TRRAP: variants seen among roughly 807,000 people sequenced by gnomAD.
The protein encoded by TRRAP is transformation/transcription domain-associated protein.
In TRRAP, 41 loss-of-function variants were observed where a neutral mutation model predicts 438.8. The ratio of observed to expected loss-of-function variants is 0.09; its 90% CI spans 0.07 to 0.12. TRRAP has a LOEUF of 0.12. Ranked by LOEUF, TRRAP falls within the 10% of genes least tolerant of loss-of-function variation. The pLI, the probability that TRRAP is intolerant of heterozygous loss-of-function variation, is 1.00. For synonymous variants in TRRAP, 1,994 were observed against 1,962.9 expected (o/e 1.02, Z -0.42); for missense variants, 3,122 against 5,055.1 (o/e 0.62, Z 11.60).
intron 67 of TRRAP, among the ~76,000 whole-genome samples, chr7:98,995,396 G>A (rs1793607051): frequency 6.6e-6 from 1 of 151,996 alleles, no homozygotes; most frequent in Non-Finnish European, 1.5e-5. Flanking sequence ...AGATGGCGCC[G>A]GGTGAGCCAG....
chr7:98,987,572 T>C (rs1793205894), intron 62 of TRRAP, among the ~76,000 whole-genome samples: 1 of 152,250 alleles, frequency 6.6e-6, no homozygotes, highest in Non-Finnish European at 1.5e-5. Context: ...GTGTATTTGC[T>C]CTAATAGCTT....
chr7:98,927,785 G>A (rs1358271311), intron 23 of TRRAP, among the ~76,000 whole-genome samples: 3 of 151,956 alleles, frequency 2.0e-5, no homozygotes, highest in Admixed American at 6.6e-5. Context: ...TCTCCCCTGC[G>A]ATGCCCGTTT....
chr7:99,004,181 A>G lies in TRRAP; in HGVS notation c.10310-9A>G, dbSNP rs1794064425. Reference sequence around the variant, plus strand: ...CTAAAAACGTTTTTAATCATGTTTTATTTTTAAGATTTTGACTTCAGCGTT... The same window carrying G: ...CTAAAAACGTTTTTAATCATGTTTTGTTTTTAAGATTTTGACTTCAGCGTT... On this transcript the variant is annotated splice_polypyrimidine_tract_variant and intron_variant, in intron 67 of 72. Coordinates refer to ENST00000456197, the MANE Select transcript of TRRAP (RefSeq NM_001375524.1). 2 of 1,604,138 alleles carry G rather than the reference A, an allele frequency of 1.2e-6. No homozygotes were observed. Among genetic ancestry groups the G allele is most frequent in the African/African-American group, 1.4e-5 (1 of 73,938 alleles).
At position 98,925,314 on chromosome 7, in the gene TRRAP, T is replaced by C. The variant is rs781956215; in HGVS notation, c.2975+51T>C. ...GGTTGGGTGGATCCTGTTTTAGGAATTGGGGCTGCAGAGGGCCTCCCAGGT... is the reference window on the plus strand; with the variant it reads ...GGTTGGGTGGATCCTGTTTTAGGAACTGGGGCTGCAGAGGGCCTCCCAGGT... On this transcript the variant is annotated intron_variant, in intron 22 of 72. Coordinates refer to ENST00000456197, the MANE Select transcript of TRRAP (RefSeq NM_001375524.1). 8 of 1,593,558 alleles carry C rather than the reference T, an allele frequency of 5.0e-6. No individual in the cohort carries two copies. In the African/African-American group the frequency reaches 6.7e-5, roughly 13 times the overall value.
At chr7:98,959,238 C>T in intron 44 of TRRAP, 106 bp from the exon 45 acceptor site, 17 of 1,469,694 alleles carry the variant, frequency 1.2e-5, no homozygotes, top group Non-Finnish European at 1.5e-5. Flanking sequence ...AGGTGAAGAT[C>T]TGAGACAGGT....
chr7:98,973,023 A>G (rs1484002123), intron 53 of TRRAP, among the ~76,000 whole-genome samples: 1 of 152,144 alleles, frequency 6.6e-6, no homozygotes, highest in African/African-American at 2.4e-5. Context: ...TCTGTTGCTC[A>G]GGCTGGAGTA....
intron 8 of TRRAP, among the ~76,000 whole-genome samples, chr7:98,898,217 G>A (rs1195873963): frequency 6.6e-6 from 1 of 152,218 alleles, no homozygotes; most frequent in African/African-American, 2.4e-5. Flanking sequence ...GTGACTGAGA[G>A]TGTGGGCTCT....
At chr7:98,937,913 G>A (rs1394274683) in intron 30 of TRRAP, 93 bp downstream of exon 30, 11 of 1,359,796 alleles carry the variant, frequency 8.1e-6, no homozygotes, top group South Asian at 6.6e-5. Flanking sequence ...AGTGGTTCAC[G>A]CCTGTAATCC....
intron 24 of TRRAP, among the ~76,000 whole-genome samples, 162 bp from the exon 25 acceptor site, chr7:98,930,471 G>T (rs570429531): frequency 6.6e-6 from 1 of 152,136 alleles, no homozygotes; most frequent in African/African-American, 2.4e-5. Context: ...CCAGCTACTC[G>T]GGAGGCTAAG....
At chr7:98,959,824 AG>A (rs1231772227) in intron 45 of TRRAP, among the ~76,000 whole-genome samples, 1 of 151,980 alleles carries the variant, frequency 6.6e-6, no homozygotes, top group African/African-American at 2.4e-5. Context: ...GCTACTTAGA[AG>A]AGCCTAAAGC....
At chr7:98,917,754 A>C in intron 20 of TRRAP, 75 bp downstream of exon 20, 1 of 1,547,860 alleles carries the variant, frequency 6.5e-7, no homozygotes, top group Non-Finnish European at 8.7e-7. Context: ...TCTGTACTCA[A>C]GAGTGGGCTC....
At chr7:98,992,354 C>T (rs1310130539) in intron 65 of TRRAP, 127 bp downstream of exon 65, 41 of 939,592 alleles carry the variant, frequency 4.4e-5, no homozygotes, top group Non-Finnish European at 6.7e-5. Flanking sequence ...CCAATCTCTC[C>T]TCAGTGGGCA....
At position 98,881,192 on chromosome 7, in the gene TRRAP, G is replaced by C; in HGVS notation, c.42G>C (p.Gln14His). ...CACAGGGGGCCACGGTGGTTGACCA[G>C]ACCACTTTGATGAAAAAGTACCTTC... ...VATQGATVVD[Q>H]TTLMKKYLQF... The change falls in exon 2 of 73, where the codon CAG (glutamine) becomes CAC (histidine). Residue 14 changes from glutamine to histidine, a missense_variant. Around this residue, in one of 24 missense-constraint regions of TRRAP, gnomAD observed 343 missense variants for 564.0 expected, o/e 0.61. Transcript: ENST00000456197. 3 of 1,610,990 alleles carry C rather than the reference G, an allele frequency of 1.9e-6. No homozygotes were observed. Among genetic ancestry groups the C allele is most frequent in the Non-Finnish European group, 2.5e-6 (3 of 1,178,410 alleles).
At chr7:98,918,526 C>T (rs1232573158) in intron 20 of TRRAP, among the ~76,000 whole-genome samples, 2 of 151,684 alleles carry the variant, frequency 1.3e-5, no homozygotes, top group Non-Finnish European at 1.5e-5. Flanking sequence ...CCGTGCCTGG[C>T]GAGGGTTATA....
chr7:98,885,811 C>T (rs1554403873), intron 3 of TRRAP, among the ~76,000 whole-genome samples: 1 of 152,186 alleles, frequency 6.6e-6, no homozygotes, highest in Non-Finnish European at 1.5e-5. Context: ...TGTGAACCTG[C>T]AGGAACAAGC....
chr7:98,937,557 G>A lies in TRRAP; in HGVS notation c.4234-93G>A, dbSNP rs547735323. The A allele has an allele frequency of 6.7e-3, 8,972 of 1,343,864 alleles. 26 individuals are homozygous for A. The highest frequency in any genetic ancestry group is 8.1e-3 in the Non-Finnish European group (8,096 of 1,003,344). The allele number at this position is 1,343,864 out of a possible 1,614,324, so 83.2% of individuals were successfully genotyped here. ...ATATTCCATCTTCCTAAAGGAGAAC[G>A]GAAACTTGCAGCTAAGGTTGAAGAT... is the stretch of plus-strand genomic sequence containing the variant. On this transcript the variant is annotated intron_variant, in intron 29 of 72. Transcript: ENST00000456197.
chr7:98,905,242 G>T (rs1554407360), intron 12 of TRRAP, among the ~76,000 whole-genome samples: 2 of 152,164 alleles, frequency 1.3e-5, no homozygotes, highest in African/African-American at 4.8e-5. Flanking sequence ...CCTGCTTGTG[G>T]CTGTTTCCAT....
At chr7:98,941,919 G>A (rs1442419257) in intron 30 of TRRAP, among the ~76,000 whole-genome samples, 3 of 152,182 alleles carry the variant, frequency 2.0e-5, no homozygotes. Flanking sequence ...TTTTTAAGGT[G>A]TCCAAACCAT....
In TRRAP at chr7:99,011,260, C is replaced by T; in HGVS notation, c.11142+5C>T. On this transcript the variant is annotated splice_donor_5th_base_variant and intron_variant, in intron 71 of 72. Transcript: ENST00000456197. This position sits in a 1 kb window ranked among gnomAD's most constrained non-coding sequence, Gnocchi z 7.1. ...GAGATGTTACAGATCGCTCAGGTAA[C>T]CTGCTTTGAACAGCCAGATCCTCTC... 6.2e-7 allele frequency: 1 copy of T among 1,614,164 alleles called. No homozygotes were observed. The highest frequency in any genetic ancestry group is 8.5e-7 in the Non-Finnish European group (1 of 1,179,976).
Sources: gnomAD v4.1 joint callset for allele counts (sites outside exome capture counted in the v4.1 genomes callset) on GRCh38, gnomAD v4.1.1 for gene constraint, gnomAD v4.1.1 regional missense constraint, Gnocchi (gnomAD v3.1) non-coding constraint, MANE v1.5 for transcripts, NCBI Gene and HGNC (gene_info 2026-07-23, HGNC 2026-07-21) for gene names.